The following CNTNAP2 variants were observed in gnomAD, a reference collection of about 807,000 sequenced individuals.
CNTNAP2 encodes contactin associated protein 2, also known as contactin-associated protein-like 2.
CNTNAP2 carries 98 observed loss-of-function variants against 155.2 expected under a neutral mutation model. The observed-to-expected ratio is 0.63, with a 90% CI of 0.54 to 0.75. The LOEUF (loss-of-function observed/expected upper bound fraction) is 0.75, where lower values mean the gene tolerates loss of function less well. Ranked by LOEUF, CNTNAP2 falls within the 30% of genes least tolerant of loss-of-function variation. The pLI, the probability that CNTNAP2 is intolerant of heterozygous loss-of-function variation, is 0.00. For missense variants in CNTNAP2, 1,727 were observed against 1,688.1 expected (o/e 1.02, Z -0.40); for synonymous variants, 651 against 631.2 (o/e 1.03, Z -0.47).
At chr7:146,641,419 T>C (rs1016545893) in intron 1 of CNTNAP2, among the ~76,000 whole-genome samples, 5 of 152,250 alleles carry the variant, frequency 3.3e-5, no homozygotes, top group Non-Finnish European at 1.5e-5. Flanking sequence ...TCTAATAATT[T>C]ATAAGAGAAG....
chr7:147,712,429 G>A (rs1453958046), intron 13 of CNTNAP2, among the ~76,000 whole-genome samples: 2 of 152,076 alleles, frequency 1.3e-5, no homozygotes, highest in Non-Finnish European at 2.9e-5. Context: ...TCATACTGCT[G>A]TAAAGACACA....
Position 146,913,697 on chromosome 7 carries a change from C to T in CNTNAP2, c.402+73793C>T, listed in dbSNP as rs148460713. 2.4e-3 allele frequency among the ~76,000 whole-genome samples: 361 copies of T among 152,166 alleles called. 1 individual carries two copies. The highest frequency in any genetic ancestry group is 7.2e-3 in the African/African-American group (300 of 41,532). ...CCATGACTTCATCTAAACCCTATTACCTCCCAAAGCCCCTCTCCTAATGGC... is the reference window on the plus strand; with the variant it reads ...CCATGACTTCATCTAAACCCTATTATCTCCCAAAGCCCCTCTCCTAATGGC... On this transcript the variant is annotated intron_variant, in intron 3 of 23. Coordinates refer to ENST00000361727, the MANE Select transcript of CNTNAP2 (RefSeq NM_014141.6).
chr7:147,333,487 G>A (rs1182041670), intron 9 of CNTNAP2, among the ~76,000 whole-genome samples: 2 of 152,130 alleles, frequency 1.3e-5, no homozygotes. Flanking sequence ...GCTGCATACA[G>A]AAAATGAATC....
At chr7:147,925,292 GCACACACACACACACACACA>G (rs71183036) in intron 14 of CNTNAP2, among the ~76,000 whole-genome samples, 1 of 143,116 alleles carries the variant, frequency 7.0e-6, no homozygotes, top group African/African-American at 2.6e-5. Flanking sequence ...AAGCGCGCGC[GCACACACACACACACACACA>G]CACACACACA....
intron 14 of CNTNAP2, among the ~76,000 whole-genome samples, chr7:147,937,563 C>T (rs1245733549): frequency 1.3e-5 from 2 of 152,076 alleles, no homozygotes; most frequent in African/African-American, 2.4e-5. Flanking sequence ...CCCTTTCCTG[C>T]GGGTAACCCA....
chr7:147,798,559 A>C (rs952353107), intron 13 of CNTNAP2, among the ~76,000 whole-genome samples: 2 of 152,188 alleles, frequency 1.3e-5, no homozygotes, highest in Non-Finnish European at 2.9e-5. Context: ...CAGATGTAAC[A>C]TCTAGACATA....
chr7:148,280,041 G>A (rs1796944518), intron 21 of CNTNAP2, among the ~76,000 whole-genome samples: 1 of 152,208 alleles, frequency 6.6e-6, no homozygotes, highest in Non-Finnish European at 1.5e-5. Context: ...GGGCATGGTG[G>A]CTGACTCCTG....
intron 1 of CNTNAP2, among the ~76,000 whole-genome samples, chr7:146,518,520 C>A (rs1380230563): frequency 6.6e-6 from 1 of 151,770 alleles, no homozygotes; most frequent in Non-Finnish European, 1.5e-5. Context: ...CTTCCATGAG[C>A]TCTGCATGTA....
intron 1 of CNTNAP2, among the ~76,000 whole-genome samples, chr7:146,179,215 A>G (rs115282492): frequency 0.01 from 1,527 of 152,294 alleles, 27 homozygotes; most frequent in African/African-American, 0.035. Context: ...AGCTATGATC[A>G]GATGAAAGTG....
intron 4 of CNTNAP2, among the ~76,000 whole-genome samples, chr7:147,049,019 A>C (rs564395078): frequency 1.3e-5 from 2 of 152,314 alleles, no homozygotes; most frequent in South Asian, 4.1e-4. Context: ...TAGAAAGAAC[A>C]CAGGTGTATT....
chr7:147,034,577 A>G (rs1799110251), intron 3 of CNTNAP2, among the ~76,000 whole-genome samples: 4 of 152,168 alleles, frequency 2.6e-5, no homozygotes, highest in African/African-American at 9.7e-5. Flanking sequence ...AAGGACAGAG[A>G]GCTTTCTGTA....
At chr7:148,330,061 A>G (rs557814745) in intron 21 of CNTNAP2, among the ~76,000 whole-genome samples, 2 of 152,362 alleles carry the variant, frequency 1.3e-5, no homozygotes, top group African/African-American at 4.8e-5. Flanking sequence ...GAAGGAATGT[A>G]TGGATGGAAT....
intron 12 of CNTNAP2, among the ~76,000 whole-genome samples, chr7:147,574,801 A>T (rs1161130114): frequency 6.6e-6 from 1 of 152,078 alleles, no homozygotes; most frequent in African/African-American, 2.4e-5. Context: ...CAATGCAGGG[A>T]TTCTTTTAGA....
chr7:148,326,852 G>A (rs1307153659), intron 21 of CNTNAP2, among the ~76,000 whole-genome samples: 12 of 135,412 alleles, frequency 8.9e-5, no homozygotes, highest in African/African-American at 2.8e-4. Flanking sequence ...GCGACAGAGC[G>A]AGACCCCGTC....
At chr7:147,553,240 A>T (rs149054004) in intron 11 of CNTNAP2, among the ~76,000 whole-genome samples, 2 of 152,316 alleles carry the variant, frequency 1.3e-5, no homozygotes, top group East Asian at 3.9e-4. Context: ...TGAATCTAAG[A>T]TCGCAGAGAC....
In CNTNAP2 at chr7:147,971,710, G is replaced by A. The variant is rs188906210; in HGVS notation, c.2256-6152G>A. 4.5e-4 allele frequency among the ~76,000 whole-genome samples: 68 copies of A among 152,228 alleles called. 1 individual carries two copies. The highest frequency in any genetic ancestry group is 2.2e-4 in the Non-Finnish European group (15 of 68,032). ...CATTCACTAGTTGATGGGCACTTGC[G>A]TGATTTCCACTTTGGGCCTCTTATG... On this transcript the variant is annotated intron_variant, in intron 14 of 23. Transcript: ENST00000361727.
Position 147,257,508 on chromosome 7 carries a change from A to G in CNTNAP2, c.1349-42633A>G, listed in dbSNP as rs528217969. Among the ~76,000 whole-genome samples, 5 of 152,306 alleles carry G rather than the reference A, an allele frequency of 3.3e-5. No individual in the cohort carries two copies. In the East Asian group the frequency reaches 9.7e-4, roughly 29 times the overall value. The stretch of plus-strand genomic sequence containing the variant: ...CTGCCATAATAGCCTCCTTCTAACA[A>G]GGGGTATTCCTCTCATAAACATTCC... On this transcript the variant is annotated intron_variant, in intron 8 of 23. Transcript: ENST00000361727.
chr7:146,885,310 T>TA (rs1246402947), intron 3 of CNTNAP2, among the ~76,000 whole-genome samples: 5 of 152,142 alleles, frequency 3.3e-5, no homozygotes, highest in Non-Finnish European at 5.9e-5. Flanking sequence ...AGAAAATTTT[T>TA]AAAAAATGAA....
At chr7:148,156,679 A>G (rs986050713) in intron 17 of CNTNAP2, among the ~76,000 whole-genome samples, 2 of 152,090 alleles carry the variant, frequency 1.3e-5, no homozygotes, top group Non-Finnish European at 2.9e-5. Context: ...TTTGTGTTTC[A>G]ACTTAGATAT....
Sources: allele counts gnomAD v4.1 joint callset (sites outside exome capture counted in the v4.1 genomes callset), GRCh38; gene constraint gnomAD v4.1.1; transcripts MANE v1.5; gene names NCBI Gene and HGNC (gene_info 2026-07-23, HGNC 2026-07-21).